MGAT4C: variants seen among roughly 807,000 people sequenced by gnomAD.
MGAT4C encodes the protein alpha-1,3-mannosyl-glycoprotein 4-beta-N-acetylglucosaminyltransferase C.
Under a neutral mutation model 40.1 loss-of-function variants are expected in MGAT4C, and 19 were observed. The observed-to-expected ratio is 0.47, with a 90% CI of 0.33 to 0.70. The LOEUF (loss-of-function observed/expected upper bound fraction) is 0.70, where lower values mean the gene tolerates loss of function less well. Among genes scored for constraint, MGAT4C ranks in the 30% least tolerant of loss-of-function variants. The pLI, the probability that MGAT4C is intolerant of heterozygous loss-of-function variation, is 0.02. For missense variants in MGAT4C, 491 were observed against 563.2 expected, an observed-to-expected ratio of 0.87 and a Z score of 1.30; for synonymous variants, 181 against 187.1, an observed-to-expected ratio of 0.97 and a Z score of 0.27.
At chr12:86,721,864 A>G (rs1565947909) in intron 2 of MGAT4C, among the ~76,000 whole-genome samples, 1 of 152,064 alleles carries the variant, frequency 6.6e-6, no homozygotes, top group African/African-American at 2.4e-5. Flanking sequence ...CTAATACTGT[A>G]TGTTTTAAAG....
At chr12:86,832,012 G>T (rs1952939154) in intron 1 of MGAT4C, among the ~76,000 whole-genome samples, 1 of 151,736 alleles carries the variant, frequency 6.6e-6, no homozygotes, top group African/African-American at 2.4e-5. Context: ...CATTGCATGG[G>T]GGTGCTGGCC....
At chr12:86,373,716 G>A (rs1188812144) in intron 3 of MGAT4C, among the ~76,000 whole-genome samples, 1 of 151,418 alleles carries the variant, frequency 6.6e-6, no homozygotes, top group African/African-American at 2.4e-5. Context: ...CCATAGCAGA[G>A]CAGATATGAA....
intron 4 of MGAT4C, among the ~76,000 whole-genome samples, chr12:86,308,889 G>C (rs565965449): frequency 6.6e-6 from 1 of 150,480 alleles, no homozygotes; most frequent in South Asian, 2.1e-4. Flanking sequence ...AAGATTTTGG[G>C]AGAAGGGACT....
chr12:86,359,006 C>T (rs144022720), intron 3 of MGAT4C, among the ~76,000 whole-genome samples: 9,469 of 152,254 alleles, frequency 0.062, 413 homozygotes, highest in Non-Finnish European at 0.096. Flanking sequence ...CTCTCCACCC[C>T]AAATCAATAG....
At chr12:86,595,534 A>C (rs1471525938) in intron 2 of MGAT4C, among the ~76,000 whole-genome samples, 2 of 152,102 alleles carry the variant, frequency 1.3e-5, no homozygotes, top group East Asian at 3.9e-4. Flanking sequence ...CTGTCTCAAA[A>C]AAAAAAAAAA....
intron 2 of MGAT4C, among the ~76,000 whole-genome samples, chr12:86,508,472 G>T (rs1354301263): frequency 1.3e-5 from 2 of 152,030 alleles, no homozygotes; most frequent in African/African-American, 4.8e-5. Context: ...TGGACATTTG[G>T]GTTGGTTCCA....
chr12:86,000,296 G>T (rs542433738), intron 2 of MGAT4C, among the ~76,000 whole-genome samples: 9 of 151,988 alleles, frequency 5.9e-5, no homozygotes, highest in African/African-American at 1.9e-4. Flanking sequence ...AACAAATGCT[G>T]GTCCTTCAAA....
intron 2 of MGAT4C, among the ~76,000 whole-genome samples, chr12:86,040,560 C>T (rs1243113172): frequency 6.6e-6 from 1 of 152,182 alleles, no homozygotes; most frequent in Non-Finnish European, 1.5e-5. Flanking sequence ...ACTTAAGCCT[C>T]AGCAATGGCG....
intron 1 of MGAT4C, among the ~76,000 whole-genome samples, chr12:86,176,269 C>T (rs1385910116): frequency 6.6e-6 from 1 of 152,134 alleles, no homozygotes; most frequent in Non-Finnish European, 1.5e-5. Context: ...ATCGTATGTT[C>T]TTTCTGGAAC....
rs777479126 is a variant in MGAT4C, at chr12:86,493,563, T to C, written c.-228-58298A>G. 4.1e-4 allele frequency among the ~76,000 whole-genome samples: 61 copies of C among 149,926 alleles called. 1 individual carries two copies. The highest frequency in any genetic ancestry group is 2.1e-3 in the South Asian group (10 of 4,746). On this transcript the variant is annotated intron_variant, in intron 2 of 7. Transcript: ENST00000548651. ...ATCGCAAGGACAAAAAACCAAACAC[T>C]GCATTTTCTCACTCATAGGTGGGAA...
rs540765924 is a variant in MGAT4C at position 86,647,954 on chromosome 12, G to A, written c.-229+79255C>T. Among the ~76,000 whole-genome samples the A allele has an allele frequency of 5.9e-5, 9 of 151,568 alleles. No individual in the cohort carries two copies. The South Asian group carries it at 1.5e-3, about 24-fold the overall frequency. The stretch of plus-strand genomic sequence containing the variant: ...AAATAAACTTAGTCAATTGTTTTTC[G>A]TCCATTGCCAGTAGACCCATGAGGG... On this transcript the variant is annotated intron_variant, in intron 2 of 7. Coordinates refer to the MGAT4C transcript ENST00000548651.
intron 1 of MGAT4C, among the ~76,000 whole-genome samples, chr12:86,056,259 C>T (rs1056991383): frequency 2.6e-5 from 4 of 151,950 alleles, no homozygotes; most frequent in East Asian, 1.9e-4. Flanking sequence ...TTATACTTTA[C>T]GTTCTAGGGT....
intron 2 of MGAT4C, among the ~76,000 whole-genome samples, chr12:85,989,945 T>C (rs866178374): frequency 1.2e-4 from 19 of 152,160 alleles, no homozygotes; most frequent in African/African-American, 4.6e-4. Context: ...TATTGTAGTA[T>C]AACGAAAATG....
intron 1 of MGAT4C, among the ~76,000 whole-genome samples, chr12:86,251,458 C>T (rs2136076317): frequency 6.6e-6 from 1 of 152,054 alleles, no homozygotes; most frequent in South Asian, 2.1e-4. Context: ...GCAACAAGTG[C>T]ACGCAAACAA....
chr12:86,590,044 TG>T, intron 2 of MGAT4C, among the ~76,000 whole-genome samples: 1 of 152,066 alleles, frequency 6.6e-6, no homozygotes, highest in Middle Eastern at 3.4e-3. Flanking sequence ...TGCTGATGGA[TG>T]CACCTCTCTC....
Position 86,651,429 on chromosome 12 carries a change from A to G in MGAT4C, c.-229+75780T>C, listed in dbSNP as rs139583880. The stretch of plus-strand genomic sequence containing the variant: ...TTTCAAATTAGAAGTTTTGTCATTA[A>G]TGTTCTCATAAAATTATATTGTGTT... On this transcript the variant is annotated intron_variant, in intron 2 of 7. Coordinates refer to the MGAT4C transcript ENST00000548651. Among the ~76,000 whole-genome samples, 123 of 151,976 alleles carry G rather than the reference A, an allele frequency of 8.1e-4. 2 individuals carry two copies. Among genetic ancestry groups the G allele is most frequent in the African/African-American group, 2.8e-3 (118 of 41,538 alleles).
At chr12:86,334,696 A>G (rs1220875965) in intron 3 of MGAT4C, among the ~76,000 whole-genome samples, 1 of 152,140 alleles carries the variant, frequency 6.6e-6, no homozygotes, top group Non-Finnish European at 1.5e-5. Flanking sequence ...TTTCCTTTAT[A>G]GCCGCAATAA....
At chr12:86,362,228 A>G (rs1020170260) in intron 3 of MGAT4C, among the ~76,000 whole-genome samples, 1 of 152,236 alleles carries the variant, frequency 6.6e-6, no homozygotes, top group African/African-American at 2.4e-5. Context: ...TCAGCAAACT[A>G]TCGCAAGGAC....
At chr12:86,105,383 A>C (rs542964523) in intron 1 of MGAT4C, among the ~76,000 whole-genome samples, 1 of 152,290 alleles carries the variant, frequency 6.6e-6, no homozygotes, top group African/African-American at 2.4e-5. Flanking sequence ...ATATCATCTT[A>C]TAGGAAAAGA....
Sources: allele counts gnomAD v4.1 joint callset (sites outside exome capture counted in the v4.1 genomes callset), GRCh38; gene constraint gnomAD v4.1.1; transcripts MANE v1.5; gene names NCBI Gene and HGNC (gene_info 2026-07-23, HGNC 2026-07-21).